The following PKD1L3 variants were observed in gnomAD, a reference collection of about 807,000 sequenced individuals.
PKD1L3 encodes polycystin 1 like 3, transient receptor potential channel interacting, also known as polycystin-1-like protein 3.
PKD1L3 carries 239 observed loss-of-function variants against 184.1 expected under a neutral mutation model. That is an observed-to-expected ratio of 1.30 (90% confidence interval 1.17 to 1.45). The LOEUF (loss-of-function observed/expected upper bound fraction) is 1.45, where lower values mean the gene tolerates loss of function less well. Ranked by LOEUF, PKD1L3 falls within the 40% of genes most tolerant of loss-of-function variation. PKD1L3 has a pLI of 0.00. For synonymous variants in PKD1L3, 996 were observed against 778.8 expected, an observed-to-expected ratio of 1.28 and a Z score of -4.64; for missense variants, 2,660 against 2,067.2, an observed-to-expected ratio of 1.29 and a Z score of -5.56.
intron 3 of PKD1L3, 98 bp from the exon 4 acceptor site, chr16:71,990,427 A>G: frequency 9.4e-7 from 1 of 1,060,532 alleles, no homozygotes; most frequent in Non-Finnish European, 1.4e-6. Context: ...AAAATAATGC[A>G]AATTGTTTTA....
At position 71,984,133 on chromosome 16, in the gene PKD1L3, G is replaced by T. The variant is rs965424976; in HGVS notation, c.869C>A (p.Ala290Glu). 1.9e-6 allele frequency: 3 copies of T among 1,551,696 alleles called. No individual in the cohort carries two copies. Among genetic ancestry groups the T allele is most frequent in the Non-Finnish European group, 1.7e-6 (2 of 1,146,928 alleles). ...IDEIAGNFSR[A>E]VHGLQALNKL... The stretch of plus-strand genomic sequence containing the variant: ...GTTAAGAGCTTGCAAACCATGAACT[G>T]CTCTGCTGAAGTTCCCTGCTATCTC... Residue 290 changes from alanine to glutamate, a missense_variant, in exon 6 of 30, where the codon GCA becomes GAA. Coordinates refer to ENST00000620267, the MANE Select transcript of PKD1L3 (RefSeq NM_181536.2).
Position 71,957,596 on chromosome 16 carries a change from G to A in PKD1L3, c.2613-3295C>T, listed in dbSNP as rs963673792. Among the ~76,000 whole-genome samples the A allele has an allele frequency of 7.2e-5, 11 of 152,128 alleles. No homozygotes were observed. In the East Asian group the frequency reaches 7.8e-4, roughly 11 times the overall value. On this transcript the variant is annotated intron_variant, in intron 16 of 29. Transcript: ENST00000620267. ...GAGGATCATTTGAGGTCAGGAGTTC[G>A]AGACCAGCCTGGCCAACATGGTGAA...
rs1355223729 is a variant in PKD1L3 at position 71,977,397 on chromosome 16, G to T, written c.1598C>A (p.Thr533Lys). Residue 533 changes from threonine to lysine, a missense_variant, in exon 11 of 30, where the codon ACA (threonine) becomes AAA (lysine). Transcript: ENST00000620267. ...CAAGGAAGTGACGTTCACTGTGATT[G>T]TAAGCTGATGTGTGCTCATGTTGAG... is the stretch of plus-strand genomic sequence containing the variant. The part of the protein sequence containing the change: ...TSLNMSTHQL[T>K]ITVNVTSLEK... 3 of 1,551,428 alleles carry T rather than the reference G, an allele frequency of 1.9e-6. No individual in the cohort carries two copies. The highest frequency in any genetic ancestry group is 2.6e-6 in the Non-Finnish European group (3 of 1,146,896).
rs1361470697 is a variant in PKD1L3 at position 71,993,202 on chromosome 16, G to A, written c.535+14C>T. ...CCACGGATTTTTAAGGTTACTAGAG[G>A]AGTAACGCATTACCTGGGGGCATTT... On this transcript the variant is annotated intron_variant, in intron 3 of 29. Coordinates refer to ENST00000620267, the MANE Select transcript of PKD1L3 (RefSeq NM_181536.2). The A allele has an allele frequency of 2.0e-6, 3 of 1,491,514 alleles. No homozygotes were observed. Among genetic ancestry groups the A allele is most frequent in the South Asian group, 1.2e-5 (1 of 80,902 alleles). 92.4% of individuals were successfully genotyped at this position (1,491,514 alleles called of 1,614,324 possible).
chr16:71,930,173 A>G lies in PKD1L3; in HGVS notation c.4937T>C (p.Leu1646Ser), dbSNP rs1352513730. 6.5e-7 allele frequency: 1 copy of G among 1,543,346 alleles called. No homozygotes were observed. Among genetic ancestry groups the G allele is most frequent in the Admixed American group, 2.1e-5 (1 of 48,072 alleles). The change falls in exon 29 of 30, where the codon TTA becomes TCA. Residue 1646 changes from leucine (L) to serine (S), a missense_variant. Leu to Ser is a moderately radical substitution (Grantham distance 145). Coordinates refer to ENST00000620267, the MANE Select transcript of PKD1L3 (RefSeq NM_181536.2). ...GISHQEEVFA[L>S]DPVLGTFLIL... ...CAGAAAGGTGCCCAGGACTGGGTCT[A>G]AAGCGAAAACCTGGGAAAACAATAA...
chr16:71,994,482 C>A (rs1217561216), intron 2 of PKD1L3, among the ~76,000 whole-genome samples: 1 of 152,160 alleles, frequency 6.6e-6, no homozygotes, highest in Non-Finnish European at 1.5e-5. Flanking sequence ...TACTCCTACC[C>A]AAAGTGAATC....
In PKD1L3 at chr16:71,999,848, A is replaced by G. The variant is rs760535589; in HGVS notation, c.131T>C (p.Phe44Ser). The G allele has an allele frequency of 1.9e-5, 30 of 1,551,634 alleles. No homozygotes were observed. The highest frequency in any genetic ancestry group is 3.3e-4 in the Middle Eastern group (2 of 6,014). ...ATGACAGTAATGCTGTGCTTCCTCA[A>G]AGCTGCATTGAAATCTGTTAAGCTG... ...CYQLNRFQCS[F>S]EEAQHYCHVQ... The change falls in exon 1 of 30, where the codon TTT becomes TCT. Residue 44 changes from phenylalanine (F) to serine (S), a missense_variant. Transcript: ENST00000620267.
At chr16:71,988,495 A>G (rs1000425785) in intron 4 of PKD1L3, among the ~76,000 whole-genome samples, 2 of 152,218 alleles carry the variant, frequency 1.3e-5, no homozygotes, top group African/African-American at 2.4e-5. Context: ...GCACCAAGCC[A>G]GCAAACGTGA....
At chr16:71,938,587 G>C (rs1160172062) in intron 24 of PKD1L3, among the ~76,000 whole-genome samples, 4 of 152,188 alleles carry the variant, frequency 2.6e-5, no homozygotes, top group Non-Finnish European at 5.9e-5. Context: ...GCTTCTTCTG[G>C]GCCCACCCAT....
intron 24 of PKD1L3, 25 bp from the exon 25 acceptor site, chr16:71,937,444 A>C: frequency 6.5e-7 from 1 of 1,545,842 alleles, no homozygotes; most frequent in Non-Finnish European, 8.7e-7. Flanking sequence ...GAACACCTGG[A>C]GTCAAGAGTC....
chr16:71,967,122 G>A lies in PKD1L3; in HGVS notation c.2465+15C>T, dbSNP rs1467538041. ...ACAAAGCAGCAGCAACAGCCAACAG[G>A]ATATAAGTACTCACCAGGAGGGACT... is the stretch of plus-strand genomic sequence containing the variant. On this transcript the variant is annotated intron_variant, in intron 15 of 29. Coordinates refer to ENST00000620267, the MANE Select transcript of PKD1L3 (RefSeq NM_181536.2). The A allele has an allele frequency of 6.5e-7, 1 of 1,549,712 alleles. No individual in the cohort carries two copies. Among genetic ancestry groups the A allele is most frequent in the Non-Finnish European group, 8.7e-7 (1 of 1,145,588 alleles).
chr16:71,942,074 G>A (rs556227576), intron 24 of PKD1L3, among the ~76,000 whole-genome samples: 72 of 151,922 alleles, frequency 4.7e-4, no homozygotes, highest in African/African-American at 1.6e-3. Flanking sequence ...CAGCACTTTC[G>A]GAGGCCAAGG....
chr16:71,991,175 C>T, intron 3 of PKD1L3: 1 of 199,130 alleles, frequency 5.0e-6, no homozygotes, highest in East Asian at 1.3e-4. Context: ...TGCCTGTTCT[C>T]CAGTGTCTCC....
intron 16 of PKD1L3, among the ~76,000 whole-genome samples, chr16:71,958,311 C>T (rs1268484933): frequency 6.9e-6 from 1 of 145,924 alleles, no homozygotes; most frequent in African/African-American, 2.5e-5. Context: ...GGCTTGAACC[C>T]GGGAGGCGGA....
At position 71,937,359 on chromosome 16, in the gene PKD1L3, C is replaced by T; in HGVS notation, c.4385G>A (p.Gly1462Asp). 6.4e-7 allele frequency: 1 copy of T among 1,551,628 alleles called. No individual in the cohort carries two copies. Reference protein sequence around the residue: ...SFTSLQMSKKGCVWSIISQVI... With the variant: ...SFTSLQMSKKDCVWSIISQVI... Reference sequence around the variant, plus strand: ...TTGTGAGATGATAGACCAGACACAGCCCTTCTTTGACATCTGAAGGGAAGT... The same window carrying T: ...TTGTGAGATGATAGACCAGACACAGTCCTTCTTTGACATCTGAAGGGAAGT... Residue 1462 changes from glycine to aspartate, a missense_variant, in exon 25 of 30, where the codon GGC (glycine) becomes GAC (aspartate). Coordinates refer to ENST00000620267, the MANE Select transcript of PKD1L3 (RefSeq NM_181536.2).
chr16:71,958,382 G>A (rs1316048628), intron 16 of PKD1L3, among the ~76,000 whole-genome samples: 1 of 95,204 alleles, frequency 1.1e-5, no homozygotes, highest in African/African-American at 3.8e-5. Flanking sequence ...GCGAGACTCC[G>A]TCTCAAAAAA....
At chr16:71,945,296 A>AT (rs1369599553) in intron 22 of PKD1L3, among the ~76,000 whole-genome samples, 2 of 65,688 alleles carry the variant, frequency 3.0e-5, no homozygotes. Flanking sequence ...ATATATATAT[A>AT]TATATATATA....
chr16:71,997,989 T>G (rs1434960802), intron 2 of PKD1L3, among the ~76,000 whole-genome samples: 6 of 152,142 alleles, frequency 3.9e-5, no homozygotes, highest in Non-Finnish European at 1.5e-5. Context: ...AGTGTGCATG[T>G]GGAAAATGGT....
At chr16:71,983,985 C>T (rs887705147) in intron 6 of PKD1L3, 51 bp downstream of exon 6, 1 of 1,540,534 alleles carries the variant, frequency 6.5e-7, no homozygotes, top group Non-Finnish European at 8.8e-7. Context: ...TTTCTGTTTT[C>T]CGCTTTTCCC....
Sources: allele counts gnomAD v4.1 joint callset (sites outside exome capture counted in the v4.1 genomes callset), GRCh38; gene constraint gnomAD v4.1.1; transcripts MANE v1.5; gene names NCBI Gene and HGNC (gene_info 2026-07-23, HGNC 2026-07-21).